The following RDH8 variants were observed in gnomAD, a reference collection of about 807,000 sequenced individuals.
RDH8 encodes retinol dehydrogenase 8.
RDH8 carries 14 observed loss-of-function variants against 22.3 expected under a neutral mutation model. The observed-to-expected ratio is 0.63, with a 90% confidence interval of 0.42 to 0.98. The LOEUF (loss-of-function observed/expected upper bound fraction) is 0.98, where lower values mean the gene tolerates loss of function less well. Among genes scored for constraint, RDH8 ranks in the 50% least tolerant of loss-of-function variants. The pLI, the probability that RDH8 is intolerant of heterozygous loss-of-function variation, is 0.00. For synonymous variants in RDH8, 175 were observed against 171.7 expected (o/e 1.02, Z -0.15); for missense variants, 389 against 409.8 (o/e 0.95, Z 0.44).
chr19:10,014,134 A>C (rs2087590576), intron 1 of RDH8, among the ~76,000 whole-genome samples: 1 of 152,164 alleles, frequency 6.6e-6, no homozygotes, highest in Non-Finnish European at 1.5e-5. Flanking sequence ...GCCCTTCTGC[A>C]CCTCTAGAAT....
intron 1 of RDH8, among the ~76,000 whole-genome samples, chr19:10,015,751 T>C (rs933743665): frequency 3.3e-5 from 5 of 151,972 alleles, no homozygotes; most frequent in Admixed American, 3.3e-4. Flanking sequence ...GAGACCAGGC[T>C]GACCAATATG....
chr19:10,021,645 G>A lies in RDH8; in HGVS notation c.832G>A (p.Val278Met). Residue 278 changes from valine (V) to methionine (M), a missense_variant, in exon 6 of 6, where the codon GTG becomes ATG. Val to Met is a conservative substitution (Grantham distance 21). Coordinates refer to ENST00000591589, the MANE Select transcript of RDH8 (RefSeq NM_015725.4). ...CGTGGATTCCTCTGGCAGCCTGTATGTGCGAACGACCCACCGCCTCCTCTT... is the reference window on the plus strand; with the variant it reads ...CGTGGATTCCTCTGGCAGCCTGTATATGCGAACGACCCACCGCCTCCTCTT... ...KTVDSSGSLYVRTTHRLLFRC... is the reference protein window; with the variant it reads ...KTVDSSGSLYMRTTHRLLFRC... 6.2e-7 allele frequency: 1 copy of A among 1,613,760 alleles called. No homozygotes were observed. The highest frequency in any genetic ancestry group is 8.5e-7 in the Non-Finnish European group (1 of 1,179,676).
At chr19:10,014,535 A>G (rs2087594649) in intron 1 of RDH8, among the ~76,000 whole-genome samples, 1 of 151,860 alleles carries the variant, frequency 6.6e-6, no homozygotes, top group Admixed American at 6.6e-5. Context: ...CCATTTTATT[A>G]TTATTTTATT....
intron 1 of RDH8, among the ~76,000 whole-genome samples, chr19:10,014,751 G>A (rs560767705): frequency 2.7e-4 from 41 of 152,180 alleles, no homozygotes; most frequent in Non-Finnish European, 1.6e-4. Flanking sequence ...TGGCCAGACC[G>A]GTCTCGAACT....
At chr19:10,019,067 C>T (rs553797347) in intron 3 of RDH8, among the ~76,000 whole-genome samples, 157 bp downstream of exon 3, 6 of 152,118 alleles carry the variant, frequency 3.9e-5, no homozygotes, top group East Asian at 1.9e-4. Flanking sequence ...GAGGCTGAGA[C>T]GGGTGGATTG....
chr19:10,018,174 C>T (rs1324110247), intron 2 of RDH8, among the ~76,000 whole-genome samples: 1 of 152,072 alleles, frequency 6.6e-6, no homozygotes, highest in East Asian at 1.9e-4. Context: ...CGAAGCCTGA[C>T]CTCAGGTGAT....
At position 10,014,189 on chromosome 19, in the gene RDH8, C is replaced by G. The variant is rs182494698; in HGVS notation, c.103+589C>G. ...CCTAACCAACCAGGAGAACCCCTGACCCAGAGGGAGCATGCTGGAGTCAAA... is the reference window on the plus strand; with the variant it reads ...CCTAACCAACCAGGAGAACCCCTGAGCCAGAGGGAGCATGCTGGAGTCAAA... On this transcript the variant is annotated intron_variant, in intron 1 of 5. Transcript: ENST00000591589. 4.0e-3 allele frequency among the ~76,000 whole-genome samples: 613 copies of G among 152,310 alleles called. 3 individuals carry two copies. Among genetic ancestry groups the G allele is most frequent in the African/African-American group, 0.014 (579 of 41,558 alleles).
rs752805974 is a variant in RDH8 at position 10,021,649 on chromosome 19, G to C, written c.836G>C (p.Arg279Pro). The stretch of plus-strand genomic sequence containing the variant: ...GATTCCTCTGGCAGCCTGTATGTGC[G>C]AACGACCCACCGCCTCCTCTTCCGC... ...TVDSSGSLYVRTTHRLLFRCP... is the reference protein window; with the variant it reads ...TVDSSGSLYVPTTHRLLFRCP... Residue 279 changes from arginine to proline, a missense_variant, in exon 6 of 6, where the codon CGA becomes CCA. Physicochemically the swap from Arg to Pro is moderately radical, Grantham distance 103. Coordinates refer to ENST00000591589, the MANE Select transcript of RDH8 (RefSeq NM_015725.4). The C allele has an allele frequency of 5.6e-6, 9 of 1,613,580 alleles. No homozygotes were observed. In the South Asian group the frequency reaches 8.8e-5, roughly 16 times the overall value.
At chr19:10,014,044 T>G (rs916085555) in intron 1 of RDH8, among the ~76,000 whole-genome samples, 2 of 152,082 alleles carry the variant, frequency 1.3e-5, no homozygotes, top group African/African-American at 4.8e-5. Context: ...CTCCCCAGAT[T>G]ATTGCTTTTA....
At chr19:10,020,340 A>AGGAGGGAGGGAGGGAGGGAGGGAG (rs1009228438) in intron 3 of RDH8, among the ~76,000 whole-genome samples, 7 of 38,590 alleles carry the variant, frequency 1.8e-4, no homozygotes, top group East Asian at 1.2e-3. Flanking sequence ...GAAGGAAGGA[A>AGGAGGGAGGGAGGGAGGGAGGGAG]GGAGGGAGGG....
chr19:10,019,098 A>C (rs537617362), intron 3 of RDH8, among the ~76,000 whole-genome samples, 188 bp downstream of exon 3: 1 of 152,106 alleles, frequency 6.6e-6, no homozygotes, highest in South Asian at 2.1e-4. Context: ...GGAGTTTGAG[A>C]CCAGCCTGGG....
chr19:10,017,053 G>A lies in RDH8; in HGVS notation c.104-4G>A, dbSNP rs375282173. The A allele has an allele frequency of 2.1e-5, 33 of 1,555,594 alleles. No homozygotes were observed. Among genetic ancestry groups the A allele is most frequent in the Middle Eastern group, 2.1e-4 (1 of 4,754 alleles). On this transcript the variant is annotated splice_polypyrimidine_tract_variant and splice_region_variant and intron_variant, in intron 1 of 5. Transcript: ENST00000591589. ...CTGTCCCTGCTTTACTCTCTGCCCCGCAGTCGTGGCCACCATGAGGGACCT... is the reference window on the plus strand; with the variant it reads ...CTGTCCCTGCTTTACTCTCTGCCCCACAGTCGTGGCCACCATGAGGGACCT...
rs756252285 is a variant in RDH8, at chr19:10,018,770, G to A, written c.302G>A (p.Gly101Glu). 12 of 1,613,178 alleles carry A rather than the reference G, an allele frequency of 7.4e-6. No individual in the cohort carries two copies. In the East Asian group the frequency reaches 8.9e-5, roughly 12 times the overall value. The change falls in exon 3 of 6, where the codon GGG becomes GAG. Residue 101 changes from glycine to glutamate, a missense_variant. Physicochemically the swap from Gly to Glu is moderately conservative, Grantham distance 98. Transcript: ENST00000591589. Reference protein sequence around the residue: ...AGMGLVGPLEGLSLAAMQNVF... With the variant: ...AGMGLVGPLEELSLAAMQNVF... The stretch of plus-strand genomic sequence containing the variant: ...ATGGGCCTGGTGGGGCCCCTGGAGG[G>A]GCTCAGCCTTGCTGCCATGCAGAAT...
intron 4 of RDH8, chr19:10,021,046 G>C (rs1253252119): frequency 3.2e-6 from 2 of 628,834 alleles, no homozygotes; most frequent in Non-Finnish European, 5.5e-6. Context: ...GGTGGTGTGT[G>C]TACCTGCAGT....
At chr19:10,016,209 C>T (rs535657098) in intron 1 of RDH8, among the ~76,000 whole-genome samples, 29 of 151,052 alleles carry the variant, frequency 1.9e-4, no homozygotes, top group Non-Finnish European at 3.5e-4. Flanking sequence ...TGCAGTGGCG[C>T]TATCTCGGCT....
Position 10,014,596 on chromosome 19 carries a change from G to A in RDH8, c.103+996G>A, listed in dbSNP as rs1201574625. ...TGCTCTGTCACCCAGGCTGAGTGCA[G>A]TGGTGCATCTTGGCTCACTGCAGCC... On this transcript the variant is annotated intron_variant, in intron 1 of 5. Transcript: ENST00000591589. Among the ~76,000 whole-genome samples, 10 of 152,228 alleles carry A rather than the reference G, an allele frequency of 6.6e-5. 1 individual carries two copies. In the East Asian group the frequency reaches 1.9e-3, roughly 29 times the overall value.
chr19:10,013,658 T>G lies in RDH8; in HGVS notation c.103+58T>G, dbSNP rs572359704. 9.5e-6 allele frequency: 15 copies of G among 1,578,502 alleles called. No individual in the cohort carries two copies. The East Asian group carries it at 2.2e-4, about 24-fold the overall frequency. ...CGGGTGGAAACGGCTTCCCCAGCAC[T>G]GTCTCCCCTACCCATCCCTCCCAGC... On this transcript the variant is annotated intron_variant, in intron 1 of 5. Transcript: ENST00000591589.
chr19:10,013,641 A>G, intron 1 of RDH8, 41 bp downstream of exon 1: 1 of 1,608,912 alleles, frequency 6.2e-7, no homozygotes, highest in South Asian at 1.1e-5. Context: ...GCCGGGTGGA[A>G]ACGGCTTCCC....
Position 10,013,566 on chromosome 19 carries a change from G to A in RDH8, c.69G>A (p.Val23=), listed in dbSNP as rs759605292. Residue 23 remains valine (V), a synonymous_variant, in exon 1 of 6, where the codon GTG becomes GTA. Transcript: ENST00000591589. The part of the protein sequence containing the change: ...CSSGIGLELA[V]QLAHDPKKRY... ...CAGGAATTGGTCTGGAACTTGCAGT[G>A]CAACTGGCCCATGACCCCAAGAAGC... The A allele has an allele frequency of 2.5e-6, 4 of 1,613,908 alleles. No homozygotes were observed. Among genetic ancestry groups the A allele is most frequent in the Non-Finnish European group, 3.4e-6 (4 of 1,180,030 alleles).
Sources: allele counts gnomAD v4.1 joint callset (sites outside exome capture counted in the v4.1 genomes callset), GRCh38; gene constraint gnomAD v4.1.1; transcripts MANE v1.5; gene names NCBI Gene and HGNC (gene_info 2026-07-23, HGNC 2026-07-21).